SH2D4B: variants seen among roughly 807,000 people sequenced by gnomAD.
SH2D4B encodes SH2 domain containing 4B, also known as SH2 domain-containing protein 4B.
In SH2D4B, 45 loss-of-function variants were observed where a neutral mutation model predicts 61.5. That is an observed-to-expected ratio of 0.73 (90% CI 0.58 to 0.94). The LOEUF (loss-of-function observed/expected upper bound fraction) is 0.94. Ranked by LOEUF, SH2D4B falls within the 40% of genes least tolerant of loss-of-function variation. SH2D4B has a pLI of 0.00. For missense variants in SH2D4B, 572 were observed against 574.2 expected (o/e 1.00, Z 0.04); for synonymous variants, 224 against 220.4 (o/e 1.02, Z -0.14).
At position 80,603,748 on chromosome 10, in the gene SH2D4B, C is replaced by G; in HGVS notation, c.813C>G (p.His271Gln). 1 of 1,613,120 alleles carries G rather than the reference C, an allele frequency of 6.2e-7. No individual in the cohort carries two copies. Among genetic ancestry groups the G allele is most frequent in the South Asian group, 1.1e-5 (1 of 90,976 alleles). ...ATGAGCAGGAGGCAAGACTCTACCA[C>G]CACCTCCCCGACCCGGGTCTGCCGC... The part of the protein sequence containing the change: ...QSHEQEARLY[H>Q]HLPDPGLPQP... Residue 271 changes from histidine to glutamine, a missense_variant, in exon 5 of 8, where the codon CAC becomes CAG. Physicochemically the swap from His to Gln is conservative, Grantham distance 24 (BLOSUM62 0). Coordinates refer to ENST00000646907, the MANE Select transcript of SH2D4B (RefSeq NM_001388272.1).
In SH2D4B at chr10:80,573,475, C is replaced by T. The variant is rs188554767; in HGVS notation, c.495+1897C>T. ...AATCTACATTGTTTATATGTCTTTC[C>T]TGATTTTACTTCAACTAGTTTTCCT... On this transcript the variant is annotated intron_variant, in intron 3 of 7. Coordinates refer to ENST00000646907, the MANE Select transcript of SH2D4B (RefSeq NM_001388272.1). Among the ~76,000 whole-genome samples the T allele has an allele frequency of 6.7e-4, 102 of 152,162 alleles. 1 individual carries two copies. Among genetic ancestry groups the T allele is most frequent in the African/African-American group, 2.4e-3 (99 of 41,482 alleles).
At chr10:80,562,919 T>TG (rs1564769032) in intron 1 of SH2D4B, among the ~76,000 whole-genome samples, 2 of 113,220 alleles carry the variant, frequency 1.8e-5, no homozygotes, top group Non-Finnish European at 3.5e-5. Flanking sequence ...TTTTTTTTTT[T>TG]GAGACGGAGT....
chr10:80,607,898 A>G (rs2132143152), intron 5 of SH2D4B, among the ~76,000 whole-genome samples: 1 of 152,224 alleles, frequency 6.6e-6, no homozygotes, highest in Non-Finnish European at 1.5e-5. Context: ...CAGATGCTGT[A>G]TTGTTATTAT....
intron 6 of SH2D4B, among the ~76,000 whole-genome samples, chr10:80,620,184 G>T (rs1842702787): frequency 6.6e-6 from 1 of 152,168 alleles, no homozygotes; most frequent in Non-Finnish European, 1.5e-5. Flanking sequence ...TCCCAATGTT[G>T]GGAGAGGGAC....
intron 7 of SH2D4B, among the ~76,000 whole-genome samples, chr10:80,643,339 C>G (rs1840339726): frequency 1.3e-5 from 2 of 150,944 alleles, no homozygotes; most frequent in South Asian, 4.2e-4. Context: ...CTTAAAGCCT[C>G]TTCTGTTTGC....
In SH2D4B at chr10:80,544,514, C is replaced by G. The variant is rs117289096; in HGVS notation, c.184+5999C>G. ...GTATGACACCATCCTTTTCACTAGG[C>G]ATTTGGCTTCCCTGTTTCCTGGGCC... On this transcript the variant is annotated intron_variant, in intron 1 of 7. Coordinates refer to ENST00000646907, the MANE Select transcript of SH2D4B (RefSeq NM_001388272.1). Among the ~76,000 whole-genome samples the G allele has an allele frequency of 3.9e-3, 589 of 152,378 alleles. 10 individuals carry two copies. In the East Asian group the frequency reaches 0.041, roughly 11 times the overall value.
intron 6 of SH2D4B, among the ~76,000 whole-genome samples, chr10:80,627,916 A>G (rs1842781794): frequency 6.6e-6 from 1 of 152,186 alleles, no homozygotes. Context: ...TGCATTCTCC[A>G]ATATTCATTC....
chr10:80,631,840 C>T (rs1842837443), intron 6 of SH2D4B, among the ~76,000 whole-genome samples: 1 of 152,150 alleles, frequency 6.6e-6, no homozygotes, highest in Non-Finnish European at 1.5e-5. Context: ...AAGGACATAA[C>T]ATTTCATTTA....
At chr10:80,608,083 G>T (rs1458302262) in intron 5 of SH2D4B, among the ~76,000 whole-genome samples, 2 of 152,144 alleles carry the variant, frequency 1.3e-5, no homozygotes, top group Non-Finnish European at 1.5e-5. Context: ...TTTTAGTAGA[G>T]ATGGGGTTTC....
intron 4 of SH2D4B, among the ~76,000 whole-genome samples, chr10:80,599,809 G>A (rs946579398): frequency 2.0e-5 from 3 of 152,104 alleles, no homozygotes; most frequent in Non-Finnish European, 4.4e-5. Context: ...GTCACAAAAG[G>A]CCTGTGTGAT....
At chr10:80,553,821 G>A (rs955123690) in intron 1 of SH2D4B, among the ~76,000 whole-genome samples, 3 of 152,160 alleles carry the variant, frequency 2.0e-5, no homozygotes, top group African/African-American at 4.8e-5. Flanking sequence ...CTGGACTTTT[G>A]CCTCCTTTAT....
At chr10:80,580,619 T>C (rs78341405) in intron 3 of SH2D4B, among the ~76,000 whole-genome samples, 2,961 of 152,324 alleles carry the variant, frequency 0.019, 104 homozygotes, top group African/African-American at 0.068. Context: ...ACTCAGTTTT[T>C]AAAGTTTCTC....
chr10:80,549,861 G>A (rs1410536819), intron 1 of SH2D4B, among the ~76,000 whole-genome samples: 1 of 152,222 alleles, frequency 6.6e-6, no homozygotes, highest in Non-Finnish European at 1.5e-5. Flanking sequence ...AGCAGGCATG[G>A]GGTCACCCAC....
At chr10:80,612,323 G>C (rs1842612689) in intron 6 of SH2D4B, among the ~76,000 whole-genome samples, 1 of 151,906 alleles carries the variant, frequency 6.6e-6, no homozygotes, top group Non-Finnish European at 1.5e-5. Context: ...TACAGAGGCA[G>C]GTGGCCTGCA....
At chr10:80,620,506 G>A (rs1377808760) in intron 6 of SH2D4B, among the ~76,000 whole-genome samples, 1 of 152,176 alleles carries the variant, frequency 6.6e-6, no homozygotes, top group Non-Finnish European at 1.5e-5. Context: ...ATAGTAGTGC[G>A]AGAACAGAGC....
chr10:80,573,363 A>G (rs1258208634), intron 3 of SH2D4B, among the ~76,000 whole-genome samples: 1 of 149,090 alleles, frequency 6.7e-6, no homozygotes, highest in Non-Finnish European at 1.5e-5. Context: ...ATAGGATTAA[A>G]CTTTTAATTG....
intron 3 of SH2D4B, among the ~76,000 whole-genome samples, chr10:80,577,716 G>A (rs1842142579): frequency 6.6e-6 from 1 of 150,998 alleles, no homozygotes; most frequent in South Asian, 2.1e-4. Context: ...GTGAGCCACA[G>A]CGCCCGGCCT....
chr10:80,644,752 A>G lies in SH2D4B; in HGVS notation c.*667A>G, dbSNP rs866413218. The G allele has an allele frequency of 6.6e-6, 1 of 152,012 alleles. No homozygotes were observed. The highest frequency in any genetic ancestry group is 6.6e-5 in the Admixed American group (1 of 15,260). The allele number at this position is 152,012 out of a possible 1,614,324, so 9.4% of individuals were successfully genotyped here. A position where few individuals can be genotyped will look rare whatever the true frequency, so the allele number is the denominator to read the frequency against. ...CCACTCGCCTCTATCTTTGAATCATATTTTGGCCTTGGTTTTGCAATGGTT... is the reference window on the plus strand; with the variant it reads ...CCACTCGCCTCTATCTTTGAATCATGTTTTGGCCTTGGTTTTGCAATGGTT... On this transcript the variant is annotated 3_prime_UTR_variant, in exon 8 of 8. Coordinates refer to ENST00000646907, the MANE Select transcript of SH2D4B (RefSeq NM_001388272.1).
chr10:80,556,655 C>T (rs1841842283), intron 1 of SH2D4B, among the ~76,000 whole-genome samples: 1 of 152,146 alleles, frequency 6.6e-6, no homozygotes, highest in African/African-American at 2.4e-5. Context: ...TTCATGTTTT[C>T]TGATGCTATT....
Sources: allele counts gnomAD v4.1 joint callset (sites outside exome capture counted in the v4.1 genomes callset), GRCh38; gene constraint gnomAD v4.1.1; transcripts MANE v1.5; gene names NCBI Gene and HGNC (gene_info 2026-07-23, HGNC 2026-07-21).